Variants in STN1 observed in about 807,000 individuals in gnomAD.
STN1 encodes CST complex subunit STN1.
A neutral mutation model predicts 45.5 loss-of-function variants in STN1; 29 were observed. The observed-to-expected ratio is 0.64, with a 90% CI of 0.47 to 0.87. The LOEUF (loss-of-function observed/expected upper bound fraction) is 0.87. Ranked by LOEUF, STN1 falls within the 40% of genes least tolerant of loss-of-function variation. The pLI is 0.00. For synonymous variants in STN1, 148 were observed against 159.0 expected (o/e 0.93, Z 0.52); for missense variants, 376 against 441.4 (o/e 0.85, Z 1.33).
intron 7 of STN1, among the ~76,000 whole-genome samples, chr10:103,895,417 A>T (rs1251291602): frequency 6.6e-6 from 1 of 152,208 alleles, no homozygotes; most frequent in Non-Finnish European, 1.5e-5. Flanking sequence ...GTTTCTATCC[A>T]AACATGCTGA....
rs1350921552 is a variant in STN1 at position 103,878,380 on chromosome 10, T to C, written c.*4304A>G. The stretch of plus-strand genomic sequence containing the variant: ...GTTTTCTAAGAGTCCCTCATGTTCT[T>C]AGAGTTCTGATGTTGCTTAGAAGAC... On this transcript the variant is annotated 3_prime_UTR_variant, in exon 10 of 10. Transcript: ENST00000224950. 1.3e-5 allele frequency: 2 copies of C among 152,348 alleles called. No individual in the cohort carries two copies. The highest frequency in any genetic ancestry group is 1.9e-4 in the East Asian group (1 of 5,184). 9.4% of individuals were successfully genotyped at this position (152,348 alleles called of 1,614,324 possible).
intron 7 of STN1, among the ~76,000 whole-genome samples, chr10:103,895,968 T>C (rs1053430732): frequency 1.3e-5 from 2 of 152,186 alleles, no homozygotes; most frequent in African/African-American, 4.8e-5. Flanking sequence ...TCTCATAGTA[T>C]ACTACGCCAT....
intron 3 of STN1, among the ~76,000 whole-genome samples, chr10:103,906,164 T>G (rs181358514): frequency 1.3e-5 from 2 of 152,252 alleles, no homozygotes; most frequent in African/African-American, 4.8e-5. Flanking sequence ...TTTTATTAAA[T>G]ATAAAAAAGG....
chr10:103,909,546 A>ATG (rs56335095), intron 3 of STN1, among the ~76,000 whole-genome samples: 37,696 of 128,442 alleles, frequency 0.29, 8,235 homozygotes, highest in East Asian at 0.66. Flanking sequence ...ATATGTACAT[A>ATG]TATATATGCT....
At chr10:103,894,060 C>T (rs564695842) in intron 7 of STN1, among the ~76,000 whole-genome samples, 7 of 152,260 alleles carry the variant, frequency 4.6e-5, no homozygotes, top group South Asian at 4.1e-4. Flanking sequence ...TTTTTATTCA[C>T]GAGGCTTAGG....
intron 3 of STN1, 33 bp downstream of exon 3, chr10:103,910,494 C>T: frequency 6.9e-7 from 1 of 1,440,004 alleles, no homozygotes; most frequent in Non-Finnish European, 9.8e-7. Context: ...CAGCCTTCTA[C>T]ATCAACTTCA....
chr10:103,906,904 A>C (rs565278399), intron 3 of STN1, among the ~76,000 whole-genome samples: 14 of 152,364 alleles, frequency 9.2e-5, no homozygotes, highest in Admixed American at 9.1e-4. Context: ...TGGGAGTATA[A>C]ATTAGTAACA....
chr10:103,908,908 T>C (rs1384456172), intron 3 of STN1, among the ~76,000 whole-genome samples: 4 of 147,456 alleles, frequency 2.7e-5, no homozygotes, highest in Non-Finnish European at 6.0e-5. Flanking sequence ...TTTTGGTGGG[T>C]GGGGGATGGA....
At chr10:103,915,053 C>A (rs1039007592) in intron 2 of STN1, among the ~76,000 whole-genome samples, 1 of 152,150 alleles carries the variant, frequency 6.6e-6, no homozygotes, top group South Asian at 2.1e-4. Context: ...TAGTTTTATC[C>A]ATGAAGGATC....
At chr10:103,895,260 G>T (rs942106002) in intron 7 of STN1, among the ~76,000 whole-genome samples, 3 of 152,228 alleles carry the variant, frequency 2.0e-5, no homozygotes, top group Admixed American at 1.3e-4. Flanking sequence ...TTTTCAAAAA[G>T]ATATGCCAAA....
At chr10:103,908,795 T>C (rs1427398642) in intron 3 of STN1, among the ~76,000 whole-genome samples, 1 of 152,190 alleles carries the variant, frequency 6.6e-6, no homozygotes. Context: ...AGGCTTAATA[T>C]CTAGCCTGGT....
intron 3 of STN1, among the ~76,000 whole-genome samples, chr10:103,909,189 C>T (rs1730680111): frequency 6.6e-6 from 1 of 151,008 alleles, no homozygotes; most frequent in Non-Finnish European, 1.5e-5. Flanking sequence ...AGAGGAAGCA[C>T]TGTACTATAT....
chr10:103,916,050 T>G (rs542763523), intron 2 of STN1, among the ~76,000 whole-genome samples: 1 of 152,236 alleles, frequency 6.6e-6, no homozygotes, highest in Admixed American at 6.5e-5. Flanking sequence ...CATGTACCAG[T>G]AGTGGTCTGT....
At chr10:103,894,266 A>C (rs1843157184) in intron 7 of STN1, among the ~76,000 whole-genome samples, 1 of 152,192 alleles carries the variant, frequency 6.6e-6, no homozygotes, top group African/African-American at 2.4e-5. Context: ...ATAAATTGGA[A>C]ACTAACTAGA....
At chr10:103,909,426 A>ATG (rs1843269663) in intron 3 of STN1, among the ~76,000 whole-genome samples, 1 of 57,076 alleles carries the variant, frequency 1.8e-5, no homozygotes, top group African/African-American at 7.9e-5. Context: ...GTATATATGT[A>ATG]TATATATGTA....
At position 103,917,661 on chromosome 10, in the gene STN1, A is replaced by T. The variant is rs1019326168; in HGVS notation, c.-62-5T>A. 9 of 1,554,380 alleles carry T rather than the reference A, an allele frequency of 5.8e-6. No homozygotes were observed. In the Admixed American group the frequency reaches 1.6e-4, roughly 28 times the overall value. On this transcript the variant is annotated splice_region_variant and splice_polypyrimidine_tract_variant and intron_variant, in intron 1 of 9. Coordinates refer to ENST00000224950, the MANE Select transcript of STN1 (RefSeq NM_024928.5). Reference sequence around the variant, plus strand: ...CTGCATCACTGAGTCAAGCATCTAGATGGGACACAGAAATGAGGATGCAAT... The same window carrying T: ...CTGCATCACTGAGTCAAGCATCTAGTTGGGACACAGAAATGAGGATGCAAT...
intron 9 of STN1, among the ~76,000 whole-genome samples, chr10:103,885,068 C>A (rs562154761): frequency 4.2e-4 from 64 of 152,282 alleles, no homozygotes; most frequent in South Asian, 1.0e-3. Flanking sequence ...GGCTCTACAA[C>A]TGGGACAAAG....
Position 103,883,339 on chromosome 10 carries a change from C to G in STN1, c.950-498G>C, listed in dbSNP as rs1168039909. Among the ~76,000 whole-genome samples, 3 of 152,090 alleles carry G rather than the reference C, an allele frequency of 2.0e-5. No individual in the cohort carries two copies. In the East Asian group the frequency reaches 5.8e-4, roughly 29 times the overall value. On this transcript the variant is annotated intron_variant, in intron 9 of 9. Transcript: ENST00000224950. ...CTACCTTTGGCCTGTTCTCATTCCT[C>G]TCTTCCTGGCTTCCAAAAGTCTTAT...
intron 2 of STN1, 112 bp from the exon 3 acceptor site, chr10:103,910,734 G>A (rs1263241494): frequency 1.0e-5 from 6 of 593,232 alleles, no homozygotes; most frequent in Non-Finnish European, 1.8e-5. Flanking sequence ...CATGCTGTTT[G>A]CTGAAATTCT....
Sources: allele counts gnomAD v4.1 joint callset (sites outside exome capture counted in the v4.1 genomes callset), GRCh38; gene constraint gnomAD v4.1.1; transcripts MANE v1.5; gene names NCBI Gene and HGNC (gene_info 2026-07-23, HGNC 2026-07-21).